The following RBFOX1 variants were observed in gnomAD, a reference collection of about 807,000 sequenced individuals.
RBFOX1 encodes RNA binding protein fox-1 homolog 1.
A neutral mutation model predicts 57.7 loss-of-function variants in RBFOX1; 8 were observed. That is an observed-to-expected ratio of 0.14 (90% CI 0.08 to 0.25). The LOEUF (loss-of-function observed/expected upper bound fraction) is 0.25. Among genes scored for constraint, RBFOX1 ranks in the 10% least tolerant of loss-of-function variants. The probability of loss-of-function intolerance (pLI) is 1.00; values close to 1 mark genes in which losing one functional copy is unlikely to be tolerated. For synonymous variants in RBFOX1, 326 were observed against 222.4 expected, an observed-to-expected ratio of 1.47 and a Z score of -4.15; for missense variants, 611 against 548.5, an observed-to-expected ratio of 1.11 and a Z score of -1.14.
At chr16:5,501,033 C>T (rs529084418) in intron 2 of RBFOX1, among the ~76,000 whole-genome samples, 9 of 152,106 alleles carry the variant, frequency 5.9e-5, no homozygotes, top group South Asian at 2.1e-4. Context: ...AAAGAAAACA[C>T]GGCCAGGCGC....
intron 5 of RBFOX1, among the ~76,000 whole-genome samples, chr16:7,575,933 C>G (rs1174107037): frequency 6.6e-6 from 1 of 151,888 alleles, no homozygotes; most frequent in Non-Finnish European, 1.5e-5. Flanking sequence ...CCATTAGTGT[C>G]CTTTTTGTTT....
At chr16:5,757,258 AG>A (rs1444541567) in intron 3 of RBFOX1, among the ~76,000 whole-genome samples, 1 of 119,434 alleles carries the variant, frequency 8.4e-6, no homozygotes, top group African/African-American at 3.3e-5. Context: ...TTGGAGATGG[AG>A]TGTCACTCTG....
At chr16:6,856,464 C>T (rs902107593) in intron 3 of RBFOX1, among the ~76,000 whole-genome samples, 9 of 152,074 alleles carry the variant, frequency 5.9e-5, no homozygotes, top group African/African-American at 2.2e-4. Flanking sequence ...AGCCACTGAC[C>T]TTTAAACCCA....
chr16:6,029,016 T>A (rs1161837917), intron 1 of RBFOX1, among the ~76,000 whole-genome samples: 1 of 152,148 alleles, frequency 6.6e-6, no homozygotes, highest in Non-Finnish European at 1.5e-5. Flanking sequence ...AATGATTCTG[T>A]CTCCAAGGAT....
At chr16:5,562,507 G>T (rs1359917782) in intron 2 of RBFOX1, among the ~76,000 whole-genome samples, 1 of 152,008 alleles carries the variant, frequency 6.6e-6, no homozygotes, top group East Asian at 1.9e-4. Context: ...GAAGAAGGGG[G>T]AGGACCTGGG....
intron 4 of RBFOX1, among the ~76,000 whole-genome samples, chr16:7,488,878 AC>A (rs1288556374): frequency 6.6e-6 from 1 of 151,938 alleles, no homozygotes; most frequent in East Asian, 1.9e-4. Flanking sequence ...CTACTTATCT[AC>A]TGTCATTTTA....
At chr16:6,225,234 AT>A (rs1348703163) in intron 1 of RBFOX1, among the ~76,000 whole-genome samples, 1 of 151,188 alleles carries the variant, frequency 6.6e-6, no homozygotes, top group East Asian at 1.9e-4. Context: ...GGAGAGTTAT[AT>A]ATATATATAT....
intron 4 of RBFOX1, among the ~76,000 whole-genome samples, chr16:7,408,782 C>A (rs1282243358): frequency 6.6e-6 from 1 of 152,150 alleles, no homozygotes; most frequent in South Asian, 2.1e-4. Flanking sequence ...GCATCCCCTC[C>A]CTCCTTGTTG....
Position 6,371,434 on chromosome 16 carries a change from C to T in RBFOX1, c.-64+54377C>T, listed in dbSNP as rs572098799. On this transcript the variant is annotated intron_variant, in intron 2 of 15. Coordinates refer to ENST00000550418, the MANE Select transcript of RBFOX1 (RefSeq NM_018723.4). ...GTGTTTTTATTCTATGAACTACAAT[C>T]GGTTACTTTCGTTATTTGTTTTGAT... Among the ~76,000 whole-genome samples the T allele has an allele frequency of 3.4e-3, 511 of 152,190 alleles. 6 individuals are homozygous for T. The highest frequency in any genetic ancestry group is 3.7e-3 in the Non-Finnish European group (249 of 68,012).
At chr16:6,911,350 C>T (rs1408295917) in intron 3 of RBFOX1, among the ~76,000 whole-genome samples, 4 of 152,064 alleles carry the variant, frequency 2.6e-5, no homozygotes, top group Non-Finnish European at 5.9e-5. Flanking sequence ...AGTCCAAGAT[C>T]AAGGTGTCAG....
At chr16:7,508,142 A>G (rs1312052878) in intron 4 of RBFOX1, among the ~76,000 whole-genome samples, 1 of 151,706 alleles carries the variant, frequency 6.6e-6, no homozygotes, top group Admixed American at 6.6e-5. Flanking sequence ...ACCTGCCACA[A>G]TGCCTGGATA....
intron 3 of RBFOX1, among the ~76,000 whole-genome samples, chr16:5,788,030 A>G (rs989388027): frequency 6.6e-6 from 1 of 152,176 alleles, no homozygotes; most frequent in African/African-American, 2.4e-5. Context: ...GTTTACACCT[A>G]TAGAATGGGG....
intron 3 of RBFOX1, among the ~76,000 whole-genome samples, chr16:6,725,745 T>A (rs1203455575): frequency 6.6e-6 from 1 of 152,212 alleles, no homozygotes; most frequent in Non-Finnish European, 1.5e-5. Context: ...CTGTTTTCTT[T>A]TTCTATAAAT....
intron 2 of RBFOX1, among the ~76,000 whole-genome samples, chr16:6,538,717 C>G (rs902790211): frequency 6.6e-6 from 1 of 152,188 alleles, no homozygotes; most frequent in African/African-American, 2.4e-5. Context: ...TTCTCACTAA[C>G]TTTTGACGAC....
At chr16:5,526,968 C>G (rs907546046) in intron 2 of RBFOX1, among the ~76,000 whole-genome samples, 7 of 152,186 alleles carry the variant, frequency 4.6e-5, no homozygotes, top group Non-Finnish European at 8.8e-5. Flanking sequence ...AGCAATGGTC[C>G]TTCCCGGGAT....
At chr16:6,698,636 G>A (rs540069935) in intron 3 of RBFOX1, among the ~76,000 whole-genome samples, 1 of 152,100 alleles carries the variant, frequency 6.6e-6, no homozygotes, top group African/African-American at 2.4e-5. Flanking sequence ...ATTCACCGAG[G>A]CAGACGTGGT....
At chr16:7,633,849 G>A (rs1465084085) in intron 11 of RBFOX1, among the ~76,000 whole-genome samples, 2 of 152,056 alleles carry the variant, frequency 1.3e-5, no homozygotes, top group African/African-American at 4.8e-5. Flanking sequence ...ATGGCTTTTT[G>A]GTCTAGGCTG....
chr16:5,285,000 A>G (rs1168519681), intron 1 of RBFOX1, among the ~76,000 whole-genome samples: 1 of 151,832 alleles, frequency 6.6e-6, no homozygotes, highest in Non-Finnish European at 1.5e-5. Context: ...TTGGATCTAT[A>G]TCATTTGCAA....
At chr16:6,750,481 A>G (rs2074713061) in intron 3 of RBFOX1, among the ~76,000 whole-genome samples, 1 of 152,194 alleles carries the variant, frequency 6.6e-6, no homozygotes, top group Admixed American at 6.5e-5. Context: ...CAAGTTTAAT[A>G]TTTCTTGACA....
Sources: allele counts gnomAD v4.1 joint callset (sites outside exome capture counted in the v4.1 genomes callset), GRCh38; gene constraint gnomAD v4.1.1; transcripts MANE v1.5; gene names NCBI Gene and HGNC (gene_info 2026-07-23, HGNC 2026-07-21).